The following SH3RF2 variants were observed in gnomAD, a reference collection of about 807,000 sequenced individuals.
SH3RF2 encodes the protein SH3 domain containing ring finger 2.
In SH3RF2, 43 loss-of-function variants were observed where a neutral mutation model predicts 59.0. The observed-to-expected ratio is 0.73, with a 90% confidence interval of 0.57 to 0.94. The LOEUF (loss-of-function observed/expected upper bound fraction) is 0.94. Ranked by LOEUF, SH3RF2 falls within the 40% of genes least tolerant of loss-of-function variation. The pLI is 0.00. For synonymous variants in SH3RF2, 391 were observed against 391.5 expected (o/e 1.00, Z 0.01); for missense variants, 930 against 940.1 (o/e 0.99, Z 0.14).
chr5:145,976,272 G>T (rs78349856), intron 2 of SH3RF2, among the ~76,000 whole-genome samples: 1,561 of 152,226 alleles, frequency 0.01, 15 homozygotes, highest in Non-Finnish European at 0.018. Context: ...ACCTCCCTGA[G>T]CTTCCAGTTC....
At chr5:146,064,752 AAGG>A (rs1237209646), downstream of SH3RF2, among the ~76,000 whole-genome samples, 2 of 5,402 alleles carry the variant, frequency 3.7e-4, no homozygotes, top group Non-Finnish European at 1.4e-3. Context: ...GGAAGGAAGG[AAGG>A]AAGGAAGGAA....
chr5:146,067,779 GC>G (rs941665825), downstream of SH3RF2, among the ~76,000 whole-genome samples: 14 of 151,688 alleles, frequency 9.2e-5, no homozygotes, highest in African/African-American at 3.4e-4. Flanking sequence ...CCCAAGGCCT[GC>G]CCACACCCAC....
chr5:145,987,360 CAA>C (rs1402234153), intron 2 of SH3RF2, among the ~76,000 whole-genome samples: 1 of 152,170 alleles, frequency 6.6e-6, no homozygotes, highest in Non-Finnish European at 1.5e-5. Context: ...CCGAAGCCCC[CAA>C]AGTCTATTGT....
chr5:145,938,668 A>T (rs1318692667), intron 2 of SH3RF2, among the ~76,000 whole-genome samples: 1 of 152,234 alleles, frequency 6.6e-6, no homozygotes, highest in African/African-American at 2.4e-5. Context: ...CAAAAGAGAG[A>T]AAACAAATCC....
chr5:145,998,804 G>C (rs571261836), intron 2 of SH3RF2, among the ~76,000 whole-genome samples: 1 of 152,044 alleles, frequency 6.6e-6, no homozygotes, highest in African/African-American at 2.4e-5. Flanking sequence ...CCAGCTAGTC[G>C]GGAGGCTGAG....
intron 5 of SH3RF2, among the ~76,000 whole-genome samples, chr5:146,028,323 G>GCC (rs1761616298): frequency 2.0e-5 from 3 of 152,232 alleles, no homozygotes; most frequent in Non-Finnish European, 4.4e-5. Context: ...GGGTAGTATA[G>GCC]ACATGTGGGC....
At chr5:146,012,388 A>C (rs1248814219) in intron 4 of SH3RF2, among the ~76,000 whole-genome samples, 2 of 152,210 alleles carry the variant, frequency 1.3e-5, no homozygotes, top group Non-Finnish European at 2.9e-5. Context: ...AAAATGAGTT[A>C]GGGAGGATTC....
chr5:145,939,882 C>G (rs1002006141), intron 2 of SH3RF2, among the ~76,000 whole-genome samples: 1 of 152,156 alleles, frequency 6.6e-6, no homozygotes, highest in Admixed American at 6.6e-5. Flanking sequence ...ACTCAGGAAA[C>G]GGTGTCACAC....
rs527760402 is a variant in SH3RF2, at chr5:146,020,668, C to T, written c.1059+6607C>T. Among the ~76,000 whole-genome samples, 3 of 152,236 alleles carry T rather than the reference C, an allele frequency of 2.0e-5. No individual in the cohort carries two copies. The East Asian group carries it at 5.8e-4, about 29-fold the overall frequency. On this transcript the variant is annotated intron_variant, in intron 5 of 9. Coordinates refer to ENST00000359120, the MANE Select transcript of SH3RF2 (RefSeq NM_152550.4). Reference sequence around the variant, plus strand: ...CACCCTCTTTACACTATAAATACCACATATATATCTTACCAACATGCGTAA... The same window carrying T: ...CACCCTCTTTACACTATAAATACCATATATATATCTTACCAACATGCGTAA...
At chr5:146,054,102 G>C (rs1395506441) in intron 7 of SH3RF2, among the ~76,000 whole-genome samples, 1 of 152,144 alleles carries the variant, frequency 6.6e-6, no homozygotes, top group Non-Finnish European at 1.5e-5. Flanking sequence ...TGCAGGTCTG[G>C]GGGTGTCCTG....
intron 1 of SH3RF2, among the ~76,000 whole-genome samples, chr5:145,937,398 A>C (rs188053815): frequency 2.0e-5 from 3 of 152,250 alleles, no homozygotes; most frequent in Non-Finnish European, 2.9e-5. Flanking sequence ...TAATAGATAC[A>C]TTTAGATTTA....
intron 5 of SH3RF2, among the ~76,000 whole-genome samples, chr5:146,036,279 A>C (rs1232267160): frequency 6.6e-6 from 1 of 152,198 alleles, no homozygotes; most frequent in Non-Finnish European, 1.5e-5. Context: ...GGGAGACCAG[A>C]CGCAGTGGCT....
intron 6 of SH3RF2, among the ~76,000 whole-genome samples, chr5:146,048,100 C>G (rs1361403242): frequency 1.3e-5 from 2 of 152,110 alleles, no homozygotes; most frequent in Non-Finnish European, 2.9e-5. Context: ...ATTGCTTGAA[C>G]CCAGGAGTTC....
intron 5 of SH3RF2, among the ~76,000 whole-genome samples, chr5:146,015,486 G>A (rs918577915): frequency 6.6e-6 from 1 of 152,080 alleles, no homozygotes; most frequent in Non-Finnish European, 1.5e-5. Context: ...ACTCTAAAAT[G>A]GGAGCCTTGT....
intron 2 of SH3RF2, among the ~76,000 whole-genome samples, chr5:145,988,396 G>C (rs189111896): frequency 1.7e-4 from 26 of 151,906 alleles, no homozygotes; most frequent in South Asian, 6.2e-4. Context: ...TTATCTCCCA[G>C]GCAAGAGCCA....
intron 2 of SH3RF2, among the ~76,000 whole-genome samples, chr5:145,939,875 C>T (rs905901952): frequency 1.3e-5 from 2 of 152,174 alleles, no homozygotes; most frequent in Non-Finnish European, 2.9e-5. Context: ...ATCACTTACT[C>T]AGGAAACGGT....
chr5:146,031,791 C>T (rs911558490), intron 5 of SH3RF2, among the ~76,000 whole-genome samples: 9 of 152,166 alleles, frequency 5.9e-5, no homozygotes, highest in African/African-American at 2.2e-4. Context: ...ATCAACTGCA[C>T]CCCTAAGCTT....
chr5:146,076,965 C>T (rs1763351829), intron 9 of SH3RF2, among the ~76,000 whole-genome samples: 1 of 152,198 alleles, frequency 6.6e-6, no homozygotes, highest in Admixed American at 6.5e-5. Context: ...TAGCCTGTTA[C>T]ATCAGCACAA....
rs188587577 is a variant in SH3RF2 at position 145,985,013 on chromosome 5, G to A, written c.379-15045G>A. ...TCTCCTAAAAATTAAAAAATTAGCT[G>A]AGCATGGTGGCACATGCCTATAGCC... On this transcript the variant is annotated intron_variant, in intron 2 of 9. Transcript: ENST00000359120. Among the ~76,000 whole-genome samples, 15 of 152,240 alleles carry A rather than the reference G, an allele frequency of 9.9e-5. No individual in the cohort carries two copies. In the East Asian group the frequency reaches 2.7e-3, roughly 27 times the overall value.
Sources: gnomAD v4.1 joint callset for allele counts (sites outside exome capture counted in the v4.1 genomes callset) on GRCh38, gnomAD v4.1.1 for gene constraint, MANE v1.5 for transcripts, NCBI Gene and HGNC (gene_info 2026-07-23, HGNC 2026-07-21) for gene names.